LSM6: variants seen among roughly 807,000 people sequenced by gnomAD.
LSM6 encodes LSM6 homolog, U6 small nuclear RNA and mRNA degradation associated, also known as U6 snRNA-associated Sm-like protein LSm6.
In LSM6, 2 loss-of-function variants were observed where a neutral mutation model predicts 13.5. The observed-to-expected ratio is 0.15, with a 90% CI of 0.06 to 0.47. The LOEUF (loss-of-function observed/expected upper bound fraction) is 0.47, where lower values mean the gene tolerates loss of function less well. LSM6 is among the 20% of genes least tolerant of loss of function. The pLI, the probability that LSM6 is intolerant of heterozygous loss-of-function variation, is 0.97. For synonymous variants in LSM6, 43 were observed against 34.9 expected, an observed-to-expected ratio of 1.23 and a Z score of -0.82; for missense variants, 58 against 96.4, an observed-to-expected ratio of 0.60 and a Z score of 1.67.
intron 3 of LSM6, among the ~76,000 whole-genome samples, chr4:146,188,576 C>T (rs751525396): frequency 1.3e-5 from 2 of 152,158 alleles, no homozygotes; most frequent in Non-Finnish European, 2.9e-5. Context: ...GATGAAGACA[C>T]CTTACTGTTC....
chr4:146,187,247 C>T (rs1175861143), intron 2 of LSM6, 27 bp from the exon 3 acceptor site: 2 of 1,353,922 alleles, frequency 1.5e-6, no homozygotes, highest in Non-Finnish European at 2.1e-6. Context: ...CCTTGTGTAT[C>T]TTCTTTTTGA....
intron 2 of LSM6, among the ~76,000 whole-genome samples, chr4:146,186,654 G>A (rs1730355778): frequency 6.6e-6 from 1 of 152,194 alleles, no homozygotes; most frequent in South Asian, 2.1e-4. Context: ...AACAGAACAA[G>A]ATGTGTTATA....
In LSM6 at chr4:146,178,599, C is replaced by T. The variant is rs146737923; in HGVS notation, c.-11+2788C>T. ...CTTTTCAAATTCTTTTCACCCTAAA[C>T]TGTAAATACGCCAGGAGTAGGTAAA... On this transcript the variant is annotated intron_variant, in intron 1 of 3. Coordinates refer to ENST00000296581, the MANE Select transcript of LSM6 (RefSeq NM_007080.3). Among the ~76,000 whole-genome samples the T allele has an allele frequency of 4.7e-3, 718 of 152,356 alleles. 2 individuals carry two copies. The highest frequency in any genetic ancestry group is 8.1e-3 in the Non-Finnish European group (551 of 68,036).
At chr4:146,186,225 C>CT (rs1208120970) in intron 2 of LSM6, among the ~76,000 whole-genome samples, 1 of 152,170 alleles carries the variant, frequency 6.6e-6, no homozygotes, top group Non-Finnish European at 1.5e-5. Context: ...CATTCTCGTT[C>CT]TTTGAGAGTT....
intron 1 of LSM6, among the ~76,000 whole-genome samples, chr4:146,181,694 A>G (rs565417157): frequency 1.3e-5 from 2 of 152,350 alleles, no homozygotes; most frequent in Admixed American, 1.3e-4. Flanking sequence ...TCCTTAAAAT[A>G]TTGTATCCAT....
At chr4:146,185,086 A>ATC (rs1357327814) in intron 2 of LSM6, among the ~76,000 whole-genome samples, 3 of 152,156 alleles carry the variant, frequency 2.0e-5, no homozygotes, top group Non-Finnish European at 4.4e-5. Context: ...GGTGTTGACC[A>ATC]GTTTTTTGCC....
chr4:146,185,928 G>T (rs566014365), intron 2 of LSM6, among the ~76,000 whole-genome samples: 3 of 152,022 alleles, frequency 2.0e-5, no homozygotes, highest in Admixed American at 6.6e-5. Flanking sequence ...GTAGAGACGG[G>T]GTTTCGCCAT....
At chr4:146,188,466 A>G (rs184992462) in intron 3 of LSM6, among the ~76,000 whole-genome samples, 3 of 152,276 alleles carry the variant, frequency 2.0e-5, no homozygotes, top group East Asian at 1.9e-4. Flanking sequence ...CACATTTCCC[A>G]TGATGTAATC....
In LSM6 at chr4:146,191,497, C is replaced by T. The variant is rs562270094; in HGVS notation, c.*1841C>T. On this transcript the variant is annotated 3_prime_UTR_variant, in exon 4 of 4. Coordinates refer to ENST00000296581, the MANE Select transcript of LSM6 (RefSeq NM_007080.3). ...CAAGATCAACTTTGGGAAGTGCTGC[C>T]ATTTTTATGGTAATAAAGGACTGTA... 6.6e-6 allele frequency: 1 copy of T among 152,204 alleles called. No individual in the cohort carries two copies. Among genetic ancestry groups the T allele is most frequent in the Non-Finnish European group, 1.5e-5 (1 of 68,050 alleles). 9.4% of individuals were successfully genotyped at this position (152,204 alleles called of 1,614,324 possible). A position where few individuals can be genotyped will look rare whatever the true frequency, so the allele number is the denominator to read the frequency against.
chr4:146,182,866 A>C (rs1363529013), intron 1 of LSM6, 46 bp from the exon 2 acceptor site: 1 of 1,118,316 alleles, frequency 8.9e-7, no homozygotes, highest in East Asian at 2.4e-5. Context: ...TGAATAATCA[A>C]CTTTGGTCTT....
intron 2 of LSM6, among the ~76,000 whole-genome samples, chr4:146,186,362 T>C (rs1239254951): frequency 6.6e-6 from 1 of 152,156 alleles, no homozygotes; most frequent in East Asian, 1.9e-4. Context: ...ATTAATGAAG[T>C]TAAGACATCA....
chr4:146,176,563 C>T (rs898901182), intron 1 of LSM6: 2 of 152,122 alleles, frequency 1.3e-5, no homozygotes, highest in African/African-American at 4.8e-5. Context: ...ACCCTTTCAC[C>T]TACGATCATT....
At chr4:146,183,273 T>TA (rs1431801649) in intron 2 of LSM6, 12 of 339,962 alleles carry the variant, frequency 3.5e-5, no homozygotes, top group Non-Finnish European at 6.7e-5. Flanking sequence ...CATATGTGCC[T>TA]AAATTCCCTG....
intron 3 of LSM6, among the ~76,000 whole-genome samples, chr4:146,188,859 GT>G (rs55689717): frequency 0.22 from 32,729 of 151,978 alleles, 4,495 homozygotes; most frequent in Non-Finnish European, 0.3. Flanking sequence ...TGTTTATCCT[GT>G]TGCATTTAAG....
intron 1 of LSM6, among the ~76,000 whole-genome samples, chr4:146,178,217 G>C (rs190773059): frequency 6.6e-6 from 1 of 152,322 alleles, no homozygotes; most frequent in East Asian, 1.9e-4. Context: ...TTAGGTACCA[G>C]GGACACCAAG....
intron 2 of LSM6, among the ~76,000 whole-genome samples, chr4:146,185,146 A>G (rs867449897): frequency 3.9e-5 from 6 of 152,288 alleles, no homozygotes; most frequent in Admixed American, 6.5e-5. Flanking sequence ...TTGACCAAAC[A>G]TCTCTTTAGA....
At chr4:146,179,636 G>A (rs1730188176) in intron 1 of LSM6, among the ~76,000 whole-genome samples, 1 of 152,106 alleles carries the variant, frequency 6.6e-6, no homozygotes, top group South Asian at 2.1e-4. Flanking sequence ...CTTGTCATGT[G>A]GCTTACAGTA....
At chr4:146,186,568 T>A (rs1042583954) in intron 2 of LSM6, among the ~76,000 whole-genome samples, 1 of 152,230 alleles carries the variant, frequency 6.6e-6, no homozygotes, top group Non-Finnish European at 1.5e-5. Flanking sequence ...TCAAACTGTT[T>A]CCTTGAAAGC....
intron 2 of LSM6, among the ~76,000 whole-genome samples, chr4:146,184,163 T>G (rs979911779): frequency 3.3e-5 from 5 of 152,080 alleles, no homozygotes; most frequent in African/African-American, 9.7e-5. Flanking sequence ...AATGCAGGCC[T>G]TCATCCCATT....
Sources: gnomAD v4.1 joint callset for allele counts (sites outside exome capture counted in the v4.1 genomes callset) on GRCh38, gnomAD v4.1.1 for gene constraint, MANE v1.5 for transcripts, NCBI Gene and HGNC (gene_info 2026-07-23, HGNC 2026-07-21) for gene names.